The following CLYBL variants were observed in gnomAD, a reference collection of about 807,000 sequenced individuals.
CLYBL encodes citramalyl-CoA lyase, also known as citramalyl-CoA lyase, mitochondrial.
CLYBL carries 31 observed loss-of-function variants against 38.9 expected under a neutral mutation model. That is an observed-to-expected ratio of 0.80 (90% CI 0.60 to 1.08). The LOEUF is 1.08. Ranked by LOEUF, CLYBL falls within the 50% of genes least tolerant of loss-of-function variation. The pLI, the probability that CLYBL is intolerant of heterozygous loss-of-function variation, is 0.00. For missense variants in CLYBL, 434 were observed against 411.6 expected, an observed-to-expected ratio of 1.05 and a Z score of -0.47; for synonymous variants, 171 against 158.6, an observed-to-expected ratio of 1.08 and a Z score of -0.59.
At chr13:99,821,117 A>G (rs1162971929) in intron 2 of CLYBL, among the ~76,000 whole-genome samples, 1 of 152,218 alleles carries the variant, frequency 6.6e-6, no homozygotes, top group Non-Finnish European at 1.5e-5. Context: ...GCTTTCTAAT[A>G]TTATTTGAGG....
intron 2 of CLYBL, among the ~76,000 whole-genome samples, chr13:99,817,846 A>T (rs1275838415): frequency 6.7e-6 from 1 of 149,988 alleles, no homozygotes; most frequent in African/African-American, 2.5e-5. Flanking sequence ...CTACAAAAAA[A>T]TTTTAAAATT....
chr13:99,681,122 A>T (rs958125415), intron 1 of CLYBL, among the ~76,000 whole-genome samples: 3 of 152,232 alleles, frequency 2.0e-5, no homozygotes, highest in African/African-American at 7.2e-5. Context: ...CTAAAGAAGC[A>T]TCATCGCTGA....
At chr13:99,683,571 T>C (rs1000324614) in intron 1 of CLYBL, among the ~76,000 whole-genome samples, 2 of 152,012 alleles carry the variant, frequency 1.3e-5, no homozygotes, top group African/African-American at 4.8e-5. Context: ...AGCCTAGGCC[T>C]ACACAGGGTC....
At chr13:99,884,252 T>C (rs4771347) in intron 7 of CLYBL, among the ~76,000 whole-genome samples, 132,507 of 152,178 alleles carry the variant, frequency 0.87, 58,161 homozygotes, top group African/African-American at 0.97. Flanking sequence ...CAGAGAGACA[T>C]GTGCAGATAA....
chr13:99,768,510 TTTTTTTTTTTTTTTTTTTA>T (rs1281541177), intron 1 of CLYBL, among the ~76,000 whole-genome samples: 19 of 48,864 alleles, frequency 3.9e-4, no homozygotes, highest in African/African-American at 3.2e-4. Context: ...TTTTTTTTTT[TTTTTTTTTTTTTTTTTTTA>T]AAGACAGAAT....
chr13:99,750,031 A>G (rs1352333201), intron 1 of CLYBL, among the ~76,000 whole-genome samples: 1 of 152,216 alleles, frequency 6.6e-6, no homozygotes, highest in Non-Finnish European at 1.5e-5. Context: ...GTAGGGAAAG[A>G]TGGGTGAATA....
chr13:99,864,810 T>G lies in CLYBL; in HGVS notation c.541-8T>G, dbSNP rs950577766. The G allele has an allele frequency of 1.2e-6, 2 of 1,606,850 alleles. No individual in the cohort carries two copies. The highest frequency in any genetic ancestry group is 1.7e-6 in the Non-Finnish European group (2 of 1,173,548). On this transcript the variant is annotated splice_polypyrimidine_tract_variant and splice_region_variant and intron_variant, in intron 4 of 8. Coordinates refer to ENST00000339105, the MANE Select transcript of CLYBL (RefSeq NM_206808.5). ...CGTGAGACTTAGTTCTGTTCTGCTC[T>G]TTTACAGGCAGTGTGTGAAGAAACC...
intron 1 of CLYBL, among the ~76,000 whole-genome samples, chr13:99,735,086 C>G (rs2048646616): frequency 6.6e-6 from 1 of 152,154 alleles, no homozygotes; most frequent in Non-Finnish European, 1.5e-5. Context: ...GAGTGCTGCT[C>G]TAAGCTGTCA....
intron 2 of CLYBL, among the ~76,000 whole-genome samples, chr13:99,853,500 A>C (rs1234945646): frequency 6.6e-6 from 1 of 152,216 alleles, no homozygotes; most frequent in Non-Finnish European, 1.5e-5. Flanking sequence ...AGTATGCTCA[A>C]TATTGTTATA....
chr13:99,884,682 G>A (rs920869171), intron 7 of CLYBL, among the ~76,000 whole-genome samples: 3 of 152,224 alleles, frequency 2.0e-5, no homozygotes, highest in Admixed American at 6.5e-5. Flanking sequence ...CCCTGGGCCT[G>A]TGGCACGCCA....
chr13:99,676,550 A>T (rs1295443282), intron 1 of CLYBL, among the ~76,000 whole-genome samples: 1 of 149,604 alleles, frequency 6.7e-6, no homozygotes, highest in Non-Finnish European at 1.5e-5. Flanking sequence ...TCAGCCTCCC[A>T]AAGTGCTGGG....
intron 2 of CLYBL, among the ~76,000 whole-genome samples, chr13:99,786,870 T>C (rs974581784): frequency 6.6e-6 from 1 of 152,032 alleles, no homozygotes; most frequent in Non-Finnish European, 1.5e-5. Context: ...CAGCACCTGT[T>C]GTTTCCTGAC....
chr13:99,609,482 T>C (rs2139166091), intron 1 of CLYBL, among the ~76,000 whole-genome samples: 1 of 152,034 alleles, frequency 6.6e-6, no homozygotes, highest in East Asian at 1.9e-4. Flanking sequence ...GCCGACCTGT[T>C]TTTAGGTTTG....
intron 2 of CLYBL, among the ~76,000 whole-genome samples, chr13:99,779,990 T>A (rs1342903930): frequency 6.6e-6 from 1 of 152,186 alleles, no homozygotes; most frequent in African/African-American, 2.4e-5. Context: ...CTATATATTT[T>A]CTATTAGACC....
At chr13:99,870,459 A>G (rs77020207) in intron 6 of CLYBL, among the ~76,000 whole-genome samples, 4,470 of 152,338 alleles carry the variant, frequency 0.029, no homozygotes, top group Non-Finnish European at 0.045. Context: ...CTTTATGAAA[A>G]CCAGCAGACC....
downstream of CLYBL, chr13:99,893,596 C>T (rs1168128441): frequency 1.3e-5 from 2 of 152,402 alleles, no homozygotes; most frequent in African/African-American, 4.8e-5. Flanking sequence ...ACCTTCCCAT[C>T]CTCCAGCCTA....
intron 2 of CLYBL, among the ~76,000 whole-genome samples, chr13:99,843,403 T>C (rs1164404699): frequency 1.3e-5 from 2 of 152,176 alleles, no homozygotes; most frequent in African/African-American, 4.8e-5. Flanking sequence ...AATTCTGCTA[T>C]CTTCATAGTT....
intron 1 of CLYBL, among the ~76,000 whole-genome samples, chr13:99,700,894 A>G (rs2048055286): frequency 6.6e-6 from 1 of 152,218 alleles, no homozygotes; most frequent in Non-Finnish European, 1.5e-5. Context: ...ATGATTTAGT[A>G]TTCATTACGG....
At chr13:99,874,077 C>T (rs1028302671) in intron 7 of CLYBL, among the ~76,000 whole-genome samples, 3 of 152,098 alleles carry the variant, frequency 2.0e-5, no homozygotes, top group African/African-American at 2.4e-5. Context: ...TGCTTGGCAC[C>T]GTAGTCCAGT....
Sources: gnomAD v4.1 joint callset for allele counts (sites outside exome capture counted in the v4.1 genomes callset) on GRCh38, gnomAD v4.1.1 for gene constraint, MANE v1.5 for transcripts, NCBI Gene and HGNC (gene_info 2026-07-23, HGNC 2026-07-21) for gene names.